Variants in CIMAP3 observed in about 807,000 individuals in gnomAD.
CIMAP3 encodes ciliary microtubule associated protein 3.
At chr1:111,346,548 G>T in the CIMAP3 span, 6 of 1,574,806 alleles carry the variant, frequency 3.8e-6, no homozygotes, top group Non-Finnish European at 5.2e-6. Context: ...GCGCAGGCGC[G>T]CTCGGGCCCT....
the CIMAP3 span, chr1:111,347,035 T>G: frequency 6.2e-7 from 1 of 1,612,338 alleles, no homozygotes; most frequent in Non-Finnish European, 8.5e-7. Flanking sequence ...AGGGCCTGGG[T>G]GTTATTTTTC....
At chr1:111,351,418 C>T in the CIMAP3 span, 2 of 1,171,606 alleles carry the variant, frequency 1.7e-6, no homozygotes, top group Non-Finnish European at 1.2e-6. Flanking sequence ...GTTACTGTGG[C>T]CCTCTTGTCT....
chr1:111,346,765 C>T, the CIMAP3 span: 5 of 1,547,112 alleles, frequency 3.2e-6, no homozygotes, highest in African/African-American at 4.1e-5. Flanking sequence ...GTGCAGTTCG[C>T]CCCCCTCCAG....
chr1:111,346,657 G>A, the CIMAP3 span: 1 of 1,614,206 alleles, frequency 6.2e-7, no homozygotes, highest in Admixed American at 1.7e-5. Context: ...CTCGCGATGT[G>A]CTTCAGCAGA....
chr1:111,350,584 C>G, the CIMAP3 span, among the ~76,000 whole-genome samples: 5 of 152,158 alleles, frequency 3.3e-5, no homozygotes, highest in Non-Finnish European at 7.3e-5. Flanking sequence ...ATACATTGCT[C>G]TTTCCGACAT....
the CIMAP3 span, chr1:111,350,260 C>A: frequency 1.3e-6 from 2 of 1,491,144 alleles, no homozygotes; most frequent in Non-Finnish European, 1.9e-6. Flanking sequence ...GACTCTTATT[C>A]GATCTAGTAC....
At chr1:111,341,376 T>C in the CIMAP3 span, among the ~76,000 whole-genome samples, 2 of 151,956 alleles carry the variant, frequency 1.3e-5, no homozygotes, top group African/African-American at 4.8e-5. Context: ...AAAAAATCTT[T>C]TAATCATCTG....
the CIMAP3 span, chr1:111,348,654 T>A: frequency 6.4e-7 from 1 of 1,572,532 alleles, no homozygotes; most frequent in Non-Finnish European, 8.6e-7. Context: ...CAGGTATGTC[T>A]CCTCCCTTTT....
chr1:111,351,186 TGCATAACTGGGA>T, the CIMAP3 span: 1 of 702,462 alleles, frequency 1.4e-6, no homozygotes, highest in African/African-American at 2.2e-5. Context: ...TTTTTTTTTT[TGCATAACTGGGA>T]AGACCAGAGG....
the CIMAP3 span, chr1:111,347,853 G>C: frequency 1.0e-6 from 1 of 1,003,638 alleles, no homozygotes; most frequent in African/African-American, 1.6e-5. Flanking sequence ...GCAAGAGGGG[G>C]GTGATCTAAA....
At chr1:111,342,730 C>T in the CIMAP3 span, among the ~76,000 whole-genome samples, 1 of 152,174 alleles carries the variant, frequency 6.6e-6, no homozygotes, top group African/African-American at 2.4e-5. Context: ...CAAGGAAACC[C>T]AAGATAGTGG....
the CIMAP3 span, among the ~76,000 whole-genome samples, chr1:111,334,355 G>A: frequency 6.6e-6 from 1 of 152,152 alleles, no homozygotes; most frequent in South Asian, 2.1e-4. Context: ...CTGGGCTTAG[G>A]GCACCACCTG....
chr1:111,330,647 G>T, the CIMAP3 span, among the ~76,000 whole-genome samples: 2 of 152,166 alleles, frequency 1.3e-5, no homozygotes, highest in African/African-American at 4.8e-5. Flanking sequence ...TTGTGACTTG[G>T]CACTCCTGAG....
the CIMAP3 span, chr1:111,347,618 C>CTTTTTTTTTTTTTTTTT: frequency 5.4e-6 from 5 of 929,712 alleles, no homozygotes; most frequent in Non-Finnish European, 7.9e-6. Context: ...GTTGTTTTTT[C>CTTTTTTTTTTTTTTTTT]TTTCTTTTTT....
At chr1:111,336,344 G>A in the CIMAP3 span, among the ~76,000 whole-genome samples, 3 of 152,214 alleles carry the variant, frequency 2.0e-5, no homozygotes, top group Non-Finnish European at 2.9e-5. Flanking sequence ...GAACAAAGCT[G>A]GACGGAGAAT....
At chr1:111,340,172 G>A in the CIMAP3 span, among the ~76,000 whole-genome samples, 2 of 151,996 alleles carry the variant, frequency 1.3e-5, no homozygotes, top group Admixed American at 1.3e-4. Flanking sequence ...GCTGAAACTG[G>A]ATACCTTCCT....
the CIMAP3 span, among the ~76,000 whole-genome samples, chr1:111,329,717 G>A: frequency 7.9e-3 from 1,200 of 151,454 alleles, 16 homozygotes; most frequent in African/African-American, 0.027. Context: ...ACCATGCCTG[G>A]CTAATTTTGT....
the CIMAP3 span, among the ~76,000 whole-genome samples, chr1:111,325,720 A>G: frequency 1.3e-5 from 2 of 152,210 alleles, no homozygotes; most frequent in African/African-American, 2.4e-5. Context: ...AAATGTTTAG[A>G]TGTAACTACT....
chr1:111,343,402 T>C, the CIMAP3 span, among the ~76,000 whole-genome samples: 1 of 152,218 alleles, frequency 6.6e-6, no homozygotes, highest in Non-Finnish European at 1.5e-5. Flanking sequence ...ATTAACTGTC[T>C]CATAAAGCTA....
Sources: allele counts gnomAD v4.1 joint callset (sites outside exome capture counted in the v4.1 genomes callset), GRCh38; gene constraint gnomAD v4.1.1; transcripts MANE v1.5; gene names NCBI Gene and HGNC (gene_info 2026-07-23, HGNC 2026-07-21).